Variants in THPO observed in about 807,000 individuals in gnomAD.
THPO encodes thrombopoietin, also known as MPL ligand.
Under a neutral mutation model 17.0 loss-of-function variants are expected in THPO, and 12 were observed. The observed-to-expected ratio is 0.71, with a 90% confidence interval of 0.45 to 1.14. THPO has a LOEUF of 1.14. THPO is among the 50% of genes most tolerant of loss of function. The probability of loss-of-function intolerance (pLI) is 0.00; values close to 1 mark genes in which losing one functional copy is unlikely to be tolerated. For missense variants in THPO, 365 were observed against 427.5 expected (o/e 0.85, Z 1.29); for synonymous variants, 188 against 183.0 (o/e 1.03, Z -0.22).
chr3:184,372,792 A>G lies in THPO; in HGVS notation c.783T>C (p.Phe261=). 6.2e-7 allele frequency: 1 copy of G among 1,614,064 alleles called. No homozygotes were observed. The highest frequency in any genetic ancestry group is 1.1e-5 in the South Asian group (1 of 91,080). The change falls in exon 6 of 6, where the codon TTT becomes TTC. Residue 261 remains phenylalanine (F), a synonymous_variant. Transcript: ENST00000647395. ...CTAGGGTCCTGCGTGAGGGTCCAGG[A>G]AAGAGTCCACGAGTTCCATTCAAGA... ...HELLNGTRGL[F]PGPSRRTLGA...
intron 2 of THPO, 96 bp downstream of exon 2, chr3:184,376,151 G>T: frequency 6.2e-7 from 1 of 1,611,464 alleles, no homozygotes; most frequent in Non-Finnish European, 8.5e-7. Flanking sequence ...GGGAGAATGG[G>T]TTCCCCCAGC....
In THPO at chr3:184,377,141, C is replaced by G. The variant is rs138139771; in HGVS notation, c.-145-737G>C. On this transcript the variant is annotated intron_variant, in intron 1 of 5. Transcript: ENST00000647395. ...AGGGCCTGGGTGAGGAACTGGCAAA[C>G]GGGCGCAATATGTTGAGGGGTAACT... Among the ~76,000 whole-genome samples, 32 of 150,630 alleles carry G rather than the reference C, an allele frequency of 2.1e-4. 1 individual carries two copies. In the East Asian group the frequency reaches 6.4e-3, roughly 30 times the overall value.
At chr3:184,375,473 G>T in intron 4 of THPO, 42 bp downstream of exon 4, 1 of 1,586,264 alleles carries the variant, frequency 6.3e-7, no homozygotes, top group Non-Finnish European at 8.7e-7. Flanking sequence ...GGAAACTGAA[G>T]ACAGGACTTA....
At chr3:184,373,207 A>G (rs775702846) in intron 5 of THPO, 29 bp from the exon 6 acceptor site, 2 of 1,607,406 alleles carry the variant, frequency 1.2e-6, no homozygotes, top group Non-Finnish European at 8.5e-7. Flanking sequence ...CCTGAGGCCA[A>G]ACACCAGGGC....
rs1158062696 is a variant in THPO at position 184,375,571 on chromosome 3, T to C, written c.172A>G (p.Thr58Ala). ...SQCPEVHPLP[T>A]PVLLPAVDFS... The stretch of plus-strand genomic sequence containing the variant: ...TCCACAGCAGGCAGCAGGACAGGTG[T>C]AGGCAAAGGGTGAACCTCTGGGCAC... Residue 58 changes from threonine to alanine, a missense_variant, in exon 4 of 6, where the codon ACA becomes GCA. Coordinates refer to ENST00000647395, the MANE Select transcript of THPO (RefSeq NM_000460.4). 2.5e-6 allele frequency: 4 copies of C among 1,613,914 alleles called. No individual in the cohort carries two copies. Among genetic ancestry groups the C allele is most frequent in the East Asian group, 2.2e-5 (1 of 44,886 alleles).
upstream of THPO, among the ~76,000 whole-genome samples, chr3:184,379,013 G>A (rs747629532): frequency 3.9e-5 from 6 of 151,940 alleles, no homozygotes; most frequent in Admixed American, 6.6e-5. Context: ...CCCAGTCCCA[G>A]TCTCCCCACA....
chr3:184,374,930 A>C (rs1295992032), intron 4 of THPO, among the ~76,000 whole-genome samples: 1 of 152,204 alleles, frequency 6.6e-6, no homozygotes, highest in Non-Finnish European at 1.5e-5. Context: ...CTGGGATTAC[A>C]GGCATGCACT....
In THPO at chr3:184,378,188, C is replaced by A; in HGVS notation, c.-259G>T. 1 of 985,492 alleles carries A rather than the reference C, an allele frequency of 1.0e-6. No individual in the cohort carries two copies. The highest frequency in any genetic ancestry group is 1.2e-6 in the Non-Finnish European group (1 of 829,984). The allele number at this position is 985,492 out of a possible 1,614,324, so 61.0% of individuals were successfully genotyped here. A position where few individuals can be genotyped will look rare whatever the true frequency, so the allele number is the denominator to read the frequency against. ...AGCCCCTCCACAGCAGCAGGTCATA[C>A]GCCTGCCTGGGCCACTTCTGCCCAA... On this transcript the variant is annotated 5_prime_UTR_variant, in exon 1 of 6. Transcript: ENST00000647395.
chr3:184,379,372 G>A (rs1335570386), upstream of THPO, among the ~76,000 whole-genome samples: 1 of 152,116 alleles, frequency 6.6e-6, no homozygotes, highest in Non-Finnish European at 1.5e-5. Context: ...AGAGGGGACT[G>A]TCGAATGCGC....
At position 184,373,527 on chromosome 3, in the gene THPO, ACTCC is replaced by A; in HGVS notation, c.280_283del (p.Gly94Ter). 3 of 1,613,712 alleles carry A rather than the reference ACTCC, an allele frequency of 1.9e-6. No individual in the cohort carries two copies. The highest frequency in any genetic ancestry group is 2.5e-6 in the Non-Finnish European group (3 of 1,179,934). ...TCCCAGTTGTCCCCGTGCTGCCATC[ACTCC>A]CTCCAGCAGAAGGGTCACTGCTCCC... On this transcript the variant is annotated frameshift_variant, in exon 5 of 6. Transcript: ENST00000647395. LOFTEE classifies it high-confidence loss of function.
Position 184,373,475 on chromosome 3 carries a change from C to A in THPO, c.336G>T (p.Gly112=). 2.5e-6 allele frequency: 4 copies of A among 1,614,114 alleles called. No individual in the cohort carries two copies. The South Asian group carries it at 3.3e-5, about 13-fold the overall frequency. ...GGAGACGGACCTGTCCAGAAAGCTG[C>A]CCCAGGAGGGATGAGAGGCAAGTGG... ...LGPTCLSSLL[G]QLSGQVRLLL... is the part of the protein sequence containing the mutation. Residue 112 remains glycine, a synonymous_variant, in exon 5 of 6, where the codon GGG becomes GGT. Transcript: ENST00000647395.
intron 1 of THPO, among the ~76,000 whole-genome samples, chr3:184,376,993 A>G (rs1022136445): frequency 1.3e-5 from 2 of 152,212 alleles, no homozygotes; most frequent in African/African-American, 4.8e-5. Context: ...GTATACACAC[A>G]TATCTTAATT....
upstream of THPO, chr3:184,378,774 TG>T: frequency 1.0e-6 from 1 of 984,764 alleles, no homozygotes. Flanking sequence ...GCTCGTCTGC[TG>T]GGGTCCAGTG....
chr3:184,376,176 A>G (rs1382064463), intron 2 of THPO, 71 bp downstream of exon 2: 4 of 1,613,362 alleles, frequency 2.5e-6, no homozygotes, highest in Admixed American at 1.7e-5. Context: ...TGCCCCCTGC[A>G]GCGTGTCTCC....
chr3:184,374,617 C>G (rs1714230945), intron 4 of THPO, among the ~76,000 whole-genome samples: 1 of 152,156 alleles, frequency 6.6e-6, no homozygotes, highest in African/African-American at 2.4e-5. Flanking sequence ...ACAAGAATTA[C>G]TAGCTTTAAG....
At chr3:184,373,607 G>A (rs369676360) in intron 4 of THPO, 25 bp from the exon 5 acceptor site, 26 of 1,611,160 alleles carry the variant, frequency 1.6e-5, no homozygotes, top group African/African-American at 1.3e-4. Context: ...GAAGAGAGAA[G>A]CGCACTGCCT....
intron 3 of THPO, 143 bp downstream of exon 3, chr3:184,375,745 C>G: frequency 6.7e-7 from 1 of 1,487,002 alleles, no homozygotes; most frequent in Non-Finnish European, 9.4e-7. Flanking sequence ...TAATCCTTGT[C>G]AGAGAGTGTG....
chr3:184,372,189 C>G lies in THPO; in HGVS notation c.*324G>C, dbSNP rs1231682189. 3.2e-6 allele frequency: 1 copy of G among 316,616 alleles called. No homozygotes were observed. The highest frequency in any genetic ancestry group is 2.1e-5 in the African/African-American group (1 of 47,978). The allele number at this position is 316,616 out of a possible 1,614,324, so 19.6% of individuals were successfully genotyped here. A position where few individuals can be genotyped will look rare whatever the true frequency, so the allele number is the denominator to read the frequency against. The stretch of plus-strand genomic sequence containing the variant: ...CTCAAGGTTAGTCTCTCCCTCTGTT[C>G]AACTGCCAGGCCAGCCCAGGCCTTT... On this transcript the variant is annotated 3_prime_UTR_variant, in exon 6 of 6. Transcript: ENST00000647395.
In THPO at chr3:184,372,465, AG is replaced by A. The variant is rs1294677212; in HGVS notation, c.*47del. ...GTCTCCCAGGGGCGCCCTGCAGGGAAGGGAGCTGTACACGAGACAATGCTGA... is the reference window on the plus strand; with the variant it reads ...GTCTCCCAGGGGCGCCCTGCAGGGAAGGAGCTGTACACGAGACAATGCTGA... On this transcript the variant is annotated 3_prime_UTR_variant, in exon 6 of 6. Transcript: ENST00000647395. 5.0e-6 allele frequency: 8 copies of A among 1,610,340 alleles called. No homozygotes were observed. The African/African-American group carries it at 8.0e-5, about 16-fold the overall frequency.
Sources: gnomAD v4.1 joint callset for allele counts (sites outside exome capture counted in the v4.1 genomes callset) on GRCh38, gnomAD v4.1.1 for gene constraint, MANE v1.5 for transcripts, NCBI Gene and HGNC (gene_info 2026-07-23, HGNC 2026-07-21) for gene names.